GLI3: variants seen among roughly 807,000 people sequenced by gnomAD.
GLI3 encodes transcription activator GLI3.
Under a neutral mutation model 100.8 loss-of-function variants are expected in GLI3, and 20 were observed. The ratio of observed to expected loss-of-function variants is 0.20; its 90% CI spans 0.14 to 0.29. The LOEUF (loss-of-function observed/expected upper bound fraction) is 0.29. Ranked by LOEUF, GLI3 falls within the 10% of genes least tolerant of loss-of-function variation. The pLI is 1.00. For missense variants in GLI3, 2,040 were observed against 2,128.5 expected, an observed-to-expected ratio of 0.96 and a Z score of 0.82; for synonymous variants, 938 against 860.5, an observed-to-expected ratio of 1.09 and a Z score of -1.58.
At chr7:42,180,050 A>AT (rs1179106182) in intron 2 of GLI3, among the ~76,000 whole-genome samples, 1 of 152,138 alleles carries the variant, frequency 6.6e-6, no homozygotes, top group Non-Finnish European at 1.5e-5. Flanking sequence ...CTCCCAAGGA[A>AT]TAAGTACAGA....
At chr7:42,191,478 C>G (rs10951672) in intron 2 of GLI3, among the ~76,000 whole-genome samples, 22,043 of 151,896 alleles carry the variant, frequency 0.15, 2,088 homozygotes, top group Non-Finnish European at 0.22. Flanking sequence ...CATGGAGAAG[C>G]CCCATCTCTA....
At chr7:42,209,708 C>G (rs1344573249) in intron 2 of GLI3, among the ~76,000 whole-genome samples, 1 of 151,960 alleles carries the variant, frequency 6.6e-6, no homozygotes, top group East Asian at 1.9e-4. Flanking sequence ...CTTTTGAATT[C>G]TTAATGTGCA....
chr7:42,145,566 G>A (rs1786682480), intron 3 of GLI3: 4 of 380,620 alleles, frequency 1.1e-5, no homozygotes. Flanking sequence ...CTTAATCTGT[G>A]TTATAGAAGA....
Position 42,223,118 on chromosome 7 carries a change from T to C in GLI3, c.124+12A>G. 6.2e-6 allele frequency: 10 copies of C among 1,613,548 alleles called. No homozygotes were observed. Among genetic ancestry groups the C allele is most frequent in the Non-Finnish European group, 8.5e-6 (10 of 1,179,622 alleles). ...TCCAGGCTGGGCTGCTGGTAATCCCTGTGCTGCTCACCATTAGAAGTGGTG... is the reference window on the plus strand; with the variant it reads ...TCCAGGCTGGGCTGCTGGTAATCCCCGTGCTGCTCACCATTAGAAGTGGTG... On this transcript the variant is annotated intron_variant, in intron 2 of 14. Transcript: ENST00000395925.
upstream of GLI3, among the ~76,000 whole-genome samples, chr7:42,238,446 G>A (rs538604187): frequency 2.0e-4 from 31 of 152,310 alleles, no homozygotes; most frequent in South Asian, 5.6e-3. Context: ...TGGAAGTTCA[G>A]GGTTTTTCTC....
At chr7:42,091,966 C>T (rs1339317718) in intron 3 of GLI3, among the ~76,000 whole-genome samples, 3 of 152,238 alleles carry the variant, frequency 2.0e-5, no homozygotes, top group Non-Finnish European at 4.4e-5. Context: ...CAAGAGAATA[C>T]CACCAGCACT....
intron 2 of GLI3, among the ~76,000 whole-genome samples, chr7:42,176,943 C>T (rs1787492051): frequency 6.6e-6 from 1 of 152,238 alleles, no homozygotes; most frequent in Admixed American, 6.5e-5. Flanking sequence ...AAGGCATACA[C>T]TAAACTGAGG....
chr7:42,232,813 T>C (rs1316886801), intron 1 of GLI3, among the ~76,000 whole-genome samples: 1 of 152,224 alleles, frequency 6.6e-6, no homozygotes, highest in East Asian at 1.9e-4. Flanking sequence ...GTAATGGCTT[T>C]TTCATTCAGC....
intron 2 of GLI3, among the ~76,000 whole-genome samples, chr7:42,169,217 T>C (rs1787311044): frequency 6.6e-6 from 1 of 152,194 alleles, no homozygotes; most frequent in Admixed American, 6.5e-5. Flanking sequence ...TTTTCTAAAA[T>C]ATGAAACTTA....
rs116338505 is a variant in GLI3, at chr7:42,127,156, A to G, written c.367+21070T>C. ...CACTTCTGACATGGCTCTTGATTGC[A>G]GGCACTCCTTCTGGTAACAAGCCTT... On this transcript the variant is annotated intron_variant, in intron 3 of 14. Coordinates refer to ENST00000395925, the MANE Select transcript of GLI3 (RefSeq NM_000168.6). Among the ~76,000 whole-genome samples, 1,016 of 152,306 alleles carry G rather than the reference A, an allele frequency of 6.7e-3. 8 individuals are homozygous for G. Among genetic ancestry groups the G allele is most frequent in the African/African-American group, 0.024 (981 of 41,568 alleles).
chr7:42,248,304 A>T (rs1788995502), intron 1 of GLI3, among the ~76,000 whole-genome samples: 1 of 152,170 alleles, frequency 6.6e-6, no homozygotes, highest in African/African-American at 2.4e-5. Flanking sequence ...AGGAGTGGAG[A>T]TACTGACTAA....
chr7:42,263,035 C>G (rs1038651211), intron 1 of GLI3, among the ~76,000 whole-genome samples: 1 of 152,054 alleles, frequency 6.6e-6, no homozygotes, highest in African/African-American at 2.4e-5. Context: ...TTCTTCAGGT[C>G]CCTGGGCCTG....
intron 2 of GLI3, among the ~76,000 whole-genome samples, chr7:42,165,357 T>C (rs1487333094): frequency 1.3e-5 from 2 of 152,210 alleles, no homozygotes; most frequent in African/African-American, 4.8e-5. Context: ...ACTATCTTTC[T>C]ACATGAAGGT....
At chr7:42,156,913 G>A (rs1296706712) in intron 2 of GLI3, among the ~76,000 whole-genome samples, 2 of 152,222 alleles carry the variant, frequency 1.3e-5, no homozygotes, top group Admixed American at 6.5e-5. Flanking sequence ...GCTGCATCTG[G>A]TGTGTTTATG....
Position 42,076,876 on chromosome 7 carries a change from C to T in GLI3, c.368-19G>A, listed in dbSNP as rs79879393. On this transcript the variant is annotated intron_variant, in intron 3 of 14. Transcript: ENST00000395925. ...GGAGGGTCTGAAAAGAAGAGAGAGC[C>T]CAATCTATATCAAATGAACACTTTC... 0.01 allele frequency: 14,597 copies of T among 1,417,012 alleles called. 103 individuals carry two copies. Among genetic ancestry groups the T allele is most frequent in the Non-Finnish European group, 0.011 (11,320 of 1,000,064 alleles). 87.8% of individuals were successfully genotyped at this position (1,417,012 alleles called of 1,614,324 possible).
At chr7:42,027,342 C>CT (rs1352224170) in intron 7 of GLI3, among the ~76,000 whole-genome samples, 5 of 152,078 alleles carry the variant, frequency 3.3e-5, no homozygotes, top group African/African-American at 1.2e-4. Flanking sequence ...ATGGAAATTT[C>CT]TTTTTAAAAA....
chr7:42,208,192 AAAC>A (rs1480681511), intron 2 of GLI3, among the ~76,000 whole-genome samples: 1 of 152,070 alleles, frequency 6.6e-6, no homozygotes. Context: ...ATAAAAATAA[AAAC>A]ACATTTAAGA....
At chr7:42,058,171 A>T (rs1784500585) in intron 4 of GLI3, among the ~76,000 whole-genome samples, 1 of 152,262 alleles carries the variant, frequency 6.6e-6, no homozygotes, top group Non-Finnish European at 1.5e-5. Flanking sequence ...ATAATGTATG[A>T]TCCCATTTAT....
intron 3 of GLI3, among the ~76,000 whole-genome samples, chr7:42,114,768 C>A (rs900724867): frequency 1.3e-5 from 2 of 151,860 alleles, no homozygotes; most frequent in Non-Finnish European, 2.9e-5. Flanking sequence ...GTGGTGTGAT[C>A]TCGGCTCACT....
Sources: gnomAD v4.1 joint callset for allele counts (sites outside exome capture counted in the v4.1 genomes callset) on GRCh38, gnomAD v4.1.1 for gene constraint, MANE v1.5 for transcripts, NCBI Gene and HGNC (gene_info 2026-07-23, HGNC 2026-07-21) for gene names.